NTM: variants seen among roughly 807,000 people sequenced by gnomAD.
NTM encodes the protein neurotrimin.
Under a neutral mutation model 42.1 loss-of-function variants are expected in NTM, and 13 were observed. The ratio of observed to expected loss-of-function variants is 0.31; its 90% CI spans 0.20 to 0.49. The LOEUF (loss-of-function observed/expected upper bound fraction) is 0.49, where lower values mean the gene tolerates loss of function less well. Ranked by LOEUF, NTM falls within the 20% of genes least tolerant of loss-of-function variation. The pLI, the probability that NTM is intolerant of heterozygous loss-of-function variation, is 0.99. For missense variants in NTM, 373 were observed against 452.8 expected (o/e 0.82, Z 1.60); for synonymous variants, 187 against 179.2 (o/e 1.04, Z -0.35).
intron 4 of NTM, among the ~76,000 whole-genome samples, chr11:132,249,891 C>G (rs573791059): frequency 6.6e-6 from 1 of 152,324 alleles, no homozygotes; most frequent in East Asian, 1.9e-4. Context: ...ATTGCCATTG[C>G]TGGTATATAG....
chr11:131,421,400 G>T (rs985914720), intron 1 of NTM, among the ~76,000 whole-genome samples: 1 of 152,202 alleles, frequency 6.6e-6, no homozygotes, highest in African/African-American at 2.4e-5. Flanking sequence ...GCCCTGCCTG[G>T]GGGGAGAGGA....
At chr11:132,232,403 C>A (rs765925036) in intron 4 of NTM, among the ~76,000 whole-genome samples, 10 of 152,148 alleles carry the variant, frequency 6.6e-5, no homozygotes, top group Non-Finnish European at 1.5e-4. Flanking sequence ...TGGGACAGGA[C>A]GAGTCGCCCA....
At chr11:132,197,329 A>T (rs1279783317) in intron 3 of NTM, among the ~76,000 whole-genome samples, 4 of 152,166 alleles carry the variant, frequency 2.6e-5, no homozygotes, top group Admixed American at 2.0e-4. Flanking sequence ...GAGATTGGGG[A>T]AAATGATTCT....
At chr11:131,912,804 ACTT>A (rs2055451133) in intron 2 of NTM, among the ~76,000 whole-genome samples, 1 of 152,160 alleles carries the variant, frequency 6.6e-6, no homozygotes, top group Admixed American at 6.5e-5. Context: ...CCCTCTGATG[ACTT>A]CTTCTAGGAT....
chr11:131,814,109 G>C (rs78105685), intron 1 of NTM, among the ~76,000 whole-genome samples: 22,592 of 152,102 alleles, frequency 0.15, 2,897 homozygotes, highest in African/African-American at 0.35. Flanking sequence ...TTCCCAGAGA[G>C]CTTAATAGAG....
chr11:131,649,578 G>C (rs893941504), intron 1 of NTM, among the ~76,000 whole-genome samples: 3 of 152,122 alleles, frequency 2.0e-5, no homozygotes, highest in African/African-American at 7.2e-5. Flanking sequence ...TATTCTCCGA[G>C]GTCACACTAG....
chr11:131,778,181 T>C (rs377498574), intron 1 of NTM, among the ~76,000 whole-genome samples: 3 of 152,190 alleles, frequency 2.0e-5, no homozygotes, highest in African/African-American at 7.2e-5. Flanking sequence ...GATGGGTGTG[T>C]TGAGAAGAAA....
At chr11:131,380,457 C>T (rs1409798817) in intron 1 of NTM, among the ~76,000 whole-genome samples, 7 of 152,020 alleles carry the variant, frequency 4.6e-5, no homozygotes, top group South Asian at 4.2e-4. Context: ...GTGATCCGCC[C>T]GCCTCAGCCT....
In NTM at chr11:131,438,577, T is replaced by A. The variant is rs58790021; in HGVS notation, c.82+67689T>A. 3.8e-3 allele frequency among the ~76,000 whole-genome samples: 580 copies of A among 152,360 alleles called. 2 individuals are homozygous for A. Among genetic ancestry groups the A allele is most frequent in the African/African-American group, 0.012 (501 of 41,590 alleles). On this transcript the variant is annotated intron_variant, in intron 1 of 8. Transcript: ENST00000683400. Reference sequence around the variant, plus strand: ...CTTTCTTCCACTTGATCGAATCGGCTGTTGAAGTTTGTGCATGTGTCACGT... The same window carrying A: ...CTTTCTTCCACTTGATCGAATCGGCAGTTGAAGTTTGTGCATGTGTCACGT...
chr11:131,520,453 C>T (rs2049483887), intron 1 of NTM, among the ~76,000 whole-genome samples: 3 of 152,126 alleles, frequency 2.0e-5, no homozygotes, highest in African/African-American at 7.2e-5. Flanking sequence ...CCAAGAAGTT[C>T]AAAGGACTCT....
At chr11:132,267,906 T>A (rs2093288096) in intron 4 of NTM, among the ~76,000 whole-genome samples, 1 of 151,998 alleles carries the variant, frequency 6.6e-6, no homozygotes, top group Admixed American at 6.6e-5. Context: ...CCATGAAACT[T>A]TCTTAATGGA....
At chr11:131,864,463 C>T (rs937098416) in intron 1 of NTM, among the ~76,000 whole-genome samples, 2 of 152,188 alleles carry the variant, frequency 1.3e-5, no homozygotes, top group South Asian at 4.1e-4. Context: ...AAACCTGACT[C>T]TCAGGCTCAC....
intron 1 of NTM, among the ~76,000 whole-genome samples, chr11:131,702,516 C>T (rs73591095): frequency 0.013 from 1,977 of 152,208 alleles, 48 homozygotes; most frequent in African/African-American, 0.045. Flanking sequence ...ACTCACTCTC[C>T]ACTCTGGACT....
At chr11:131,898,360 CAT>C (rs773499990) in intron 1 of NTM, among the ~76,000 whole-genome samples, 4 of 152,194 alleles carry the variant, frequency 2.6e-5, no homozygotes, top group Non-Finnish European at 5.9e-5. Flanking sequence ...ATATTTTTTA[CAT>C]GTTTATTCAT....
chr11:131,860,203 G>A (rs1012716750), intron 1 of NTM, among the ~76,000 whole-genome samples: 5 of 152,146 alleles, frequency 3.3e-5, no homozygotes, highest in Admixed American at 1.3e-4. Flanking sequence ...AGGGACTGAC[G>A]GGGCCCCCAT....
intron 3 of NTM, among the ~76,000 whole-genome samples, chr11:132,161,814 G>C (rs111644365): frequency 6.6e-6 from 1 of 152,190 alleles, no homozygotes; most frequent in Non-Finnish European, 1.5e-5. Context: ...AGGTCCCCAT[G>C]GGTTTCGCCT....
chr11:131,826,557 A>G (rs1296831994), intron 1 of NTM, among the ~76,000 whole-genome samples: 2 of 75,820 alleles, frequency 2.6e-5, no homozygotes, highest in Non-Finnish European at 6.0e-5. Context: ...GATTGGTCGT[A>G]ATATTCTAAA....
chr11:132,104,937 G>GTA (rs534897526), intron 2 of NTM, among the ~76,000 whole-genome samples: 72 of 61,750 alleles, frequency 1.2e-3, no homozygotes, highest in East Asian at 3.1e-3. Context: ...ATATACATAT[G>GTA]TATATATATA....
intron 2 of NTM, among the ~76,000 whole-genome samples, chr11:132,025,215 G>A (rs1345414893): frequency 6.6e-6 from 1 of 152,276 alleles, no homozygotes; most frequent in East Asian, 1.9e-4. Context: ...TTGTCATGTA[G>A]TCATTCACAT....
Sources: allele counts gnomAD v4.1 joint callset (sites outside exome capture counted in the v4.1 genomes callset), GRCh38; gene constraint gnomAD v4.1.1; transcripts MANE v1.5; gene names NCBI Gene and HGNC (gene_info 2026-07-23, HGNC 2026-07-21).